Variants in MYO1H observed in about 807,000 individuals in gnomAD.
MYO1H encodes the protein myosin IH.
In MYO1H, 118 loss-of-function variants were observed where a neutral mutation model predicts 149.3. The ratio of observed to expected loss-of-function variants is 0.79; its 90% CI spans 0.68 to 0.92. The LOEUF (loss-of-function observed/expected upper bound fraction) is 0.92, where lower values mean the gene tolerates loss of function less well. Among genes scored for constraint, MYO1H ranks in the 40% least tolerant of loss-of-function variants. The pLI is 0.00. For missense variants in MYO1H, 1,212 were observed against 1,280.7 expected (o/e 0.95, Z 0.82); for synonymous variants, 447 against 465.2 (o/e 0.96, Z 0.50).
chr12:109,421,556 T>C (rs1176044977), intron 16 of MYO1H, among the ~76,000 whole-genome samples: 1 of 152,128 alleles, frequency 6.6e-6, no homozygotes, highest in Non-Finnish European at 1.5e-5. Flanking sequence ...TCCTGTGGTC[T>C]GGACGAGGGG....
the MYO1H span, among the ~76,000 whole-genome samples, chr12:109,337,814 G>C: frequency 5.9e-5 from 9 of 152,264 alleles, no homozygotes; most frequent in African/African-American, 2.2e-4. Context: ...TGTGATCACA[G>C]AAGTTTTAAT....
At chr12:109,331,559 G>T in the MYO1H span, among the ~76,000 whole-genome samples, 1 of 152,224 alleles carries the variant, frequency 6.6e-6, no homozygotes, top group Non-Finnish European at 1.5e-5. Context: ...GGAGCCAAGA[G>T]CTTCTTGTAA....
chr12:109,399,742 G>A (rs1408709334), intron 5 of MYO1H, among the ~76,000 whole-genome samples: 10 of 151,558 alleles, frequency 6.6e-5, no homozygotes, highest in Non-Finnish European at 1.2e-4. Context: ...TGAGACCCCC[G>A]TCTTTACAAA....
At chr12:109,403,266 CG>C (rs1870240545) in intron 6 of MYO1H, among the ~76,000 whole-genome samples, 1 of 152,146 alleles carries the variant, frequency 6.6e-6, no homozygotes, top group African/African-American at 2.4e-5. Context: ...ATTTTTATAT[CG>C]GTCACTTCAC....
chr12:109,414,419 G>C (rs568177366), intron 14 of MYO1H, among the ~76,000 whole-genome samples: 1 of 142,812 alleles, frequency 7.0e-6, no homozygotes, highest in Non-Finnish European at 1.5e-5. Flanking sequence ...GGAGGTTGCA[G>C]TAAGCCGAGA....
chr12:109,328,123 AAC>A, the MYO1H span, among the ~76,000 whole-genome samples: 47 of 146,160 alleles, frequency 3.2e-4, no homozygotes, highest in South Asian at 1.1e-3. Context: ...TGGGGATCAT[AAC>A]ACACACACAC....
At position 109,401,121 on chromosome 12, in the gene MYO1H, G is replaced by T. The variant is rs200532551; in HGVS notation, c.599G>T (p.Ser200Ile). ...ATTCCCGTAGGTGGGCATATCATCA[G>T]TTACTTGATAGAGAAGTCCCGAGTT... The change falls in exon 6 of 32, where the codon AGT becomes ATT. Residue 200 changes from serine (S) to isoleucine (I), a missense_variant. Physicochemically the swap from Ser to Ile is moderately radical, Grantham distance 142. Coordinates refer to ENST00000310903, the Ensembl canonical transcript of MYO1H. 3.5e-3 allele frequency: 5,713 copies of T among 1,613,944 alleles called. 18 individuals are homozygous for T. Among genetic ancestry groups the T allele is most frequent in the Non-Finnish European group, 4.3e-3 (5,026 of 1,179,850 alleles).
At chr12:109,444,400 T>C in intron 29 of MYO1H, 32 bp from the exon 30 acceptor site, 2 of 1,596,894 alleles carry the variant, frequency 1.3e-6, no homozygotes, top group Non-Finnish European at 1.7e-6. Context: ...CTGTGAATAC[T>C]GAAATTATGC....
intron 1 of MYO1H, among the ~76,000 whole-genome samples, chr12:109,353,843 G>A (rs964352891): frequency 6.6e-6 from 1 of 152,100 alleles, no homozygotes; most frequent in African/African-American, 2.4e-5. Flanking sequence ...TAGTAGAAAC[G>A]GGGTTTCACC....
intron 24 of MYO1H, 31 bp downstream of exon 24, chr12:109,439,821 T>G (rs929334255): frequency 6.3e-7 from 1 of 1,599,438 alleles, no homozygotes; most frequent in Non-Finnish European, 8.6e-7. Context: ...TCCAGTGTTG[T>G]AAGTAGCACG....
At chr12:109,396,360 G>T (rs1869904351) in intron 3 of MYO1H, 24 bp from the exon 4 acceptor site, 1 of 1,574,202 alleles carries the variant, frequency 6.4e-7, no homozygotes, top group African/African-American at 1.4e-5. Context: ...AAACGAATTT[G>T]TTTCCGTCTC....
At chr12:109,351,887 A>T (rs566460781) in intron 1 of MYO1H, among the ~76,000 whole-genome samples, 1 of 152,206 alleles carries the variant, frequency 6.6e-6, no homozygotes, top group Non-Finnish European at 1.5e-5. Flanking sequence ...GGAAGATTCC[A>T]CGGTGGTTGG....
chr12:109,423,923 G>A (rs997154686), intron 16 of MYO1H, among the ~76,000 whole-genome samples: 2 of 152,024 alleles, frequency 1.3e-5, no homozygotes, highest in Admixed American at 1.3e-4. Flanking sequence ...AAAAATACAC[G>A]CACAGGGGCG....
chr12:109,351,705 T>A (rs939400419), intron 1 of MYO1H, among the ~76,000 whole-genome samples: 1 of 152,254 alleles, frequency 6.6e-6, no homozygotes, highest in Non-Finnish European at 1.5e-5. Context: ...ATGGCTAGGA[T>A]GATTGCAATC....
upstream of MYO1H, among the ~76,000 whole-genome samples, chr12:109,345,904 G>A (rs1379100250): frequency 1.3e-5 from 2 of 152,190 alleles, no homozygotes; most frequent in East Asian, 3.9e-4. Flanking sequence ...TAGGCCAAAT[G>A]TATAGAGACA....
chr12:109,388,729 C>T (rs548092851), exon 2 of MYO1H: 20 of 1,609,408 alleles, frequency 1.2e-5, no homozygotes, highest in Middle Eastern at 1.7e-4. Context: ...ATGGAAGGGG[C>T]GCTGACTGCC....
intron 30 of MYO1H, among the ~76,000 whole-genome samples, chr12:109,444,855 T>G (rs999084319): frequency 2.0e-5 from 3 of 146,542 alleles, no homozygotes; most frequent in East Asian, 2.0e-4. Context: ...GCAACAGAGA[T>G]AGACAATGTC....
At chr12:109,415,450 T>C in intron 14 of MYO1H, 76 bp from the exon 15 acceptor site, 2 of 1,385,666 alleles carry the variant, frequency 1.4e-6, no homozygotes, top group Non-Finnish European at 9.9e-7. Context: ...CACTCCAGCT[T>C]GGGCAACAGA....
chr12:109,370,721 G>C (rs1868963409), intron 1 of MYO1H, among the ~76,000 whole-genome samples: 1 of 152,312 alleles, frequency 6.6e-6, no homozygotes, highest in African/African-American at 2.4e-5. Context: ...TAGTTAGAAT[G>C]CTTCCTCTTT....
Sources: gnomAD v4.1 joint callset for allele counts (sites outside exome capture counted in the v4.1 genomes callset) on GRCh38, gnomAD v4.1.1 for gene constraint, MANE v1.5 for transcripts, NCBI Gene and HGNC (gene_info 2026-07-23, HGNC 2026-07-21) for gene names.